Variants in MRPS28 observed in about 807,000 individuals in gnomAD.
MRPS28 encodes mitochondrial ribosomal protein S28.
MRPS28 carries 7 observed loss-of-function variants against 10.8 expected under a neutral mutation model. That is an observed-to-expected ratio of 0.65 (90% CI 0.37 to 1.22). MRPS28 has a LOEUF of 1.22. MRPS28 is among the 50% of genes most tolerant of loss of function. The pLI, the probability that MRPS28 is intolerant of heterozygous loss-of-function variation, is 0.02. For synonymous variants in MRPS28, 121 were observed against 93.3 expected (o/e 1.30, Z -1.71); for missense variants, 265 against 232.9 (o/e 1.14, Z -0.90).
intron 2 of MRPS28, among the ~76,000 whole-genome samples, chr8:79,934,147 G>A (rs1439105906): frequency 1.3e-5 from 2 of 152,164 alleles, no homozygotes; most frequent in Non-Finnish European, 2.9e-5. Flanking sequence ...AGAATGTTTA[G>A]CTGTGAGAAT....
At chr8:79,986,512 A>G (rs1451197555) in intron 2 of MRPS28, among the ~76,000 whole-genome samples, 2 of 152,236 alleles carry the variant, frequency 1.3e-5, no homozygotes, top group African/African-American at 2.4e-5. Context: ...ACATGATTGT[A>G]TATCTAGAAA....
At chr8:79,954,292 T>C (rs1232166065) in intron 2 of MRPS28, among the ~76,000 whole-genome samples, 7 of 152,144 alleles carry the variant, frequency 4.6e-5, no homozygotes, top group Admixed American at 4.6e-4. Context: ...CATTATCTTC[T>C]AAACATACGC....
intron 2 of MRPS28, among the ~76,000 whole-genome samples, chr8:79,989,086 A>G (rs528220266): frequency 6.6e-6 from 1 of 152,320 alleles, no homozygotes; most frequent in Admixed American, 6.5e-5. Context: ...TGAGTTTAAG[A>G]GGGTGCTTTC....
chr8:79,931,953 C>G (rs1249687496), intron 2 of MRPS28, among the ~76,000 whole-genome samples: 1 of 152,186 alleles, frequency 6.6e-6, no homozygotes, highest in African/African-American at 2.4e-5. Flanking sequence ...CGTAGAGGGC[C>G]TTTCTGTTGA....
chr8:79,925,378 T>C (rs1056378679), intron 2 of MRPS28, among the ~76,000 whole-genome samples: 10 of 152,196 alleles, frequency 6.6e-5, no homozygotes, highest in South Asian at 2.1e-4. Flanking sequence ...ACTGTTCATA[T>C]ACCAAAACAC....
intron 1 of MRPS28, among the ~76,000 whole-genome samples, chr8:80,020,539 G>A (rs1056567650): frequency 3.9e-5 from 6 of 152,154 alleles, no homozygotes; most frequent in African/African-American, 1.2e-4. Context: ...GGAAAGAATT[G>A]AAAAGATTTT....
At chr8:79,975,017 G>A (rs923700949) in intron 2 of MRPS28, among the ~76,000 whole-genome samples, 1 of 152,118 alleles carries the variant, frequency 6.6e-6, no homozygotes, top group Admixed American at 6.5e-5. Context: ...AGGCACAGTA[G>A]CTCACACGTA....
At chr8:79,979,963 A>T (rs372090392) in intron 2 of MRPS28, among the ~76,000 whole-genome samples, 1 of 141,522 alleles carries the variant, frequency 7.1e-6, no homozygotes, top group East Asian at 2.3e-4. Flanking sequence ...TTTTTAAGCC[A>T]CAAGTAGACA....
chr8:79,949,386 C>G (rs1286192848), intron 2 of MRPS28, among the ~76,000 whole-genome samples: 1 of 151,214 alleles, frequency 6.6e-6, no homozygotes, highest in East Asian at 1.9e-4. Context: ...TGCACTACAG[C>G]CTGGGCGACA....
At chr8:79,932,623 T>A (rs990289752) in intron 2 of MRPS28, among the ~76,000 whole-genome samples, 9 of 152,120 alleles carry the variant, frequency 5.9e-5, no homozygotes, top group African/African-American at 1.9e-4. Flanking sequence ...ATGATCGAAT[T>A]TCTGTTTTGA....
At chr8:79,968,456 T>A (rs1807552798) in intron 2 of MRPS28, among the ~76,000 whole-genome samples, 1 of 152,178 alleles carries the variant, frequency 6.6e-6, no homozygotes, top group Non-Finnish European at 1.5e-5. Flanking sequence ...TCTAGTAACC[T>A]GTCCAGCATC....
At chr8:79,956,649 T>C (rs897115982) in intron 2 of MRPS28, 3 of 152,106 alleles carry the variant, frequency 2.0e-5, no homozygotes, top group Admixed American at 1.3e-4. Context: ...CACCCTCAAG[T>C]AGACCCCAGT....
rs777403292 is a variant in MRPS28 at position 80,030,036 on chromosome 8, C to A, written c.213G>T (p.Lys71Asn). Residue 71 changes from lysine to asparagine, a missense_variant and splice_region_variant, in exon 1 of 3, where the codon AAG (lysine) becomes AAT (asparagine). By Grantham distance (94) the Lys-to-Asn change is moderately conservative. Coordinates refer to ENST00000276585, the MANE Select transcript of MRPS28 (RefSeq NM_014018.3). ...TCCCTCTCACCCGCCCGGGCTCCAC[C>A]TTCTGTAGGGGCTCCACCTTCTGTA... Reference protein sequence around the residue: ...ELLQKVEPLQKGSPKNVESFA... With the variant: ...ELLQKVEPLQNGSPKNVESFA... The A allele has an allele frequency of 5.0e-6, 8 of 1,612,768 alleles. No homozygotes were observed. The highest frequency in any genetic ancestry group is 6.8e-6 in the Non-Finnish European group (8 of 1,179,410).
chr8:79,966,124 T>G (rs2130021952), intron 2 of MRPS28, among the ~76,000 whole-genome samples: 1 of 152,148 alleles, frequency 6.6e-6, no homozygotes, highest in East Asian at 1.9e-4. Flanking sequence ...TCTTTAATTC[T>G]ATTATTGAGT....
At chr8:79,946,783 A>G (rs1251542969) in intron 2 of MRPS28, among the ~76,000 whole-genome samples, 2 of 152,190 alleles carry the variant, frequency 1.3e-5, no homozygotes, top group Non-Finnish European at 2.9e-5. Flanking sequence ...TTGCAAAATG[A>G]TTATTTTTCT....
At chr8:79,924,644 G>T (rs769566606) in intron 2 of MRPS28, among the ~76,000 whole-genome samples, 1 of 152,044 alleles carries the variant, frequency 6.6e-6, no homozygotes, top group Non-Finnish European at 1.5e-5. Flanking sequence ...GATTGTATAC[G>T]CAAAATGCAA....
At chr8:79,919,218 A>G (rs974439253) in intron 2 of MRPS28, 70 bp from the exon 3 acceptor site, 5 of 1,209,178 alleles carry the variant, frequency 4.1e-6, no homozygotes, top group Non-Finnish European at 3.3e-6. Context: ...TTTAATAACA[A>G]CAACCAAATT....
At chr8:79,985,368 A>G (rs1218062966) in intron 2 of MRPS28, among the ~76,000 whole-genome samples, 3 of 152,238 alleles carry the variant, frequency 2.0e-5, no homozygotes, top group Non-Finnish European at 4.4e-5. Context: ...TAGAAGAACT[A>G]AAAAAGCAAG....
intron 2 of MRPS28, among the ~76,000 whole-genome samples, chr8:79,924,946 CTAAT>C (rs1485023845): frequency 6.6e-6 from 1 of 152,092 alleles, no homozygotes; most frequent in East Asian, 1.9e-4. Context: ...GAATAAGTGG[CTAAT>C]TATTTAAACT....
Sources: gnomAD v4.1 joint callset for allele counts (sites outside exome capture counted in the v4.1 genomes callset) on GRCh38, gnomAD v4.1.1 for gene constraint, MANE v1.5 for transcripts, NCBI Gene and HGNC (gene_info 2026-07-23, HGNC 2026-07-21) for gene names.